Variants in IFFO2 observed in about 807,000 individuals in gnomAD.
IFFO2 encodes intermediate filament family orphan 2.
A neutral mutation model predicts 53.5 loss-of-function variants in IFFO2; 19 were observed. The observed-to-expected ratio is 0.36, with a 90% CI of 0.25 to 0.52. The LOEUF is 0.52. Ranked by LOEUF, IFFO2 falls within the 20% of genes least tolerant of loss-of-function variation. The probability of loss-of-function intolerance (pLI) is 0.94; values close to 1 mark genes in which losing one functional copy is unlikely to be tolerated. For synonymous variants in IFFO2, 303 were observed against 313.6 expected, an observed-to-expected ratio of 0.97 and a Z score of 0.36; for missense variants, 570 against 727.4, an observed-to-expected ratio of 0.78 and a Z score of 2.49.
intron 1 of IFFO2, among the ~76,000 whole-genome samples, chr1:18,940,746 G>A (rs1393826127): frequency 6.6e-6 from 1 of 152,198 alleles, no homozygotes; most frequent in East Asian, 1.9e-4. Flanking sequence ...TCACTTGCCA[G>A]TGATACAGAC....
At position 18,955,456 on chromosome 1, in the gene IFFO2, G is replaced by A. The variant is rs1260021724; in HGVS notation, c.665+212C>T. ...AATGTGCCTCACCAGTGACAGCATC[G>A]AGGTGGCCCCCACGGTAGCCAGCGC... On this transcript the variant is annotated intron_variant, in intron 1 of 8. Transcript: ENST00000455833. 2.6e-5 allele frequency among the ~76,000 whole-genome samples: 4 copies of A among 152,176 alleles called. No individual in the cohort carries two copies. The East Asian group carries it at 7.7e-4, about 29-fold the overall frequency.
intron 5 of IFFO2, 67 bp from the exon 6 acceptor site, chr1:18,912,150 A>G: frequency 6.5e-7 from 1 of 1,538,490 alleles, no homozygotes; most frequent in East Asian, 2.5e-5. Flanking sequence ...TACAGGGGAC[A>G]GAAAGGGGCA....
chr1:18,937,202 A>T (rs1408698186), intron 1 of IFFO2, among the ~76,000 whole-genome samples: 3 of 152,190 alleles, frequency 2.0e-5, no homozygotes, highest in Non-Finnish European at 4.4e-5. Flanking sequence ...GGACCCAGCT[A>T]ACAAAAGACA....
At chr1:18,922,865 C>T (rs2148170166) in intron 1 of IFFO2, among the ~76,000 whole-genome samples, 1 of 152,108 alleles carries the variant, frequency 6.6e-6, no homozygotes, top group African/African-American at 2.4e-5. Context: ...GGAGTCCGGT[C>T]CCAGGCCACC....
intron 1 of IFFO2, among the ~76,000 whole-genome samples, chr1:18,926,057 G>GATGGA (rs1936289795): frequency 6.4e-5 from 6 of 93,884 alleles, no homozygotes; most frequent in South Asian, 3.6e-4. Context: ...GGATGGATTG[G>GATGGA]TTGGATGGAT....
At chr1:18,949,307 A>G (rs979293001) in intron 1 of IFFO2, among the ~76,000 whole-genome samples, 4 of 152,232 alleles carry the variant, frequency 2.6e-5, no homozygotes, top group Non-Finnish European at 5.9e-5. Flanking sequence ...GCCGGCCCCC[A>G]CAGAGCTTCC....
intron 1 of IFFO2, among the ~76,000 whole-genome samples, chr1:18,924,554 C>A (rs1936256194): frequency 6.6e-6 from 1 of 152,178 alleles, no homozygotes; most frequent in Admixed American, 6.5e-5. Context: ...CCTGCACCAT[C>A]CCCTCTCCCA....
intron 1 of IFFO2, among the ~76,000 whole-genome samples, chr1:18,949,488 G>A (rs546850484): frequency 7.2e-5 from 11 of 152,338 alleles, no homozygotes; most frequent in South Asian, 2.1e-4. Flanking sequence ...TTCCCGTCCC[G>A]GGCCTTCAGC....
chr1:18,910,996 C>T (rs538556856), intron 7 of IFFO2, among the ~76,000 whole-genome samples: 1 of 152,250 alleles, frequency 6.6e-6, no homozygotes, highest in Non-Finnish European at 1.5e-5. Context: ...GTCACTTGGT[C>T]CTTTCCAGCC....
chr1:18,911,495 C>T lies in IFFO2; in HGVS notation c.1225-19G>A, dbSNP rs762534700. 6.7e-5 allele frequency: 75 copies of T among 1,127,184 alleles called. No individual in the cohort carries two copies. The East Asian group carries it at 6.9e-4, about 10-fold the overall frequency. The allele number at this position is 1,127,184 out of a possible 1,614,324, so 69.8% of individuals were successfully genotyped here. A position where few individuals can be genotyped will look rare whatever the true frequency, so the allele number is the denominator to read the frequency against. On this transcript the variant is annotated intron_variant, in intron 6 of 8. Transcript: ENST00000455833. ...CCTCTTGCTGGGGAAATAGAACAAA[C>T]GGGACAGTTTATTTTATTTATTTAT...
At chr1:18,938,900 C>T (rs1286607379) in intron 1 of IFFO2, among the ~76,000 whole-genome samples, 1 of 152,230 alleles carries the variant, frequency 6.6e-6, no homozygotes, top group Non-Finnish European at 1.5e-5. Flanking sequence ...TGGTATCTGT[C>T]AGGCCAGATG....
At chr1:18,948,288 C>A (rs1936615486) in intron 1 of IFFO2, among the ~76,000 whole-genome samples, 1 of 152,242 alleles carries the variant, frequency 6.6e-6, no homozygotes, top group Non-Finnish European at 1.5e-5. Context: ...TACAGAGCGA[C>A]AAACTGAGGT....
chr1:18,922,508 G>C (rs748890228), intron 1 of IFFO2, among the ~76,000 whole-genome samples: 3 of 152,200 alleles, frequency 2.0e-5, no homozygotes, highest in African/African-American at 4.8e-5. Flanking sequence ...TGCACACACA[G>C]AGGAAAATTC....
At chr1:18,920,394 T>C (rs147168227) in intron 2 of IFFO2, among the ~76,000 whole-genome samples, 13 of 152,362 alleles carry the variant, frequency 8.5e-5, no homozygotes, top group African/African-American at 3.1e-4. Context: ...AGACGACAAA[T>C]GCTTTCAGTA....
At chr1:18,909,595 T>G (rs2100638664) in intron 8 of IFFO2, among the ~76,000 whole-genome samples, 1 of 152,248 alleles carries the variant, frequency 6.6e-6, no homozygotes. Flanking sequence ...TCTCACGAGA[T>G]CTGATGGTTT....
At chr1:18,950,209 C>T (rs1053405171) in intron 1 of IFFO2, among the ~76,000 whole-genome samples, 2 of 152,208 alleles carry the variant, frequency 1.3e-5, no homozygotes, top group Non-Finnish European at 1.5e-5. Context: ...AAGAAGCAGC[C>T]GTTCTCCCTC....
At chr1:18,922,997 C>G (rs543009656) in intron 1 of IFFO2, among the ~76,000 whole-genome samples, 3 of 152,236 alleles carry the variant, frequency 2.0e-5, no homozygotes, top group African/African-American at 7.2e-5. Flanking sequence ...GGGGTAAAGG[C>G]TGGAGCACAG....
At chr1:18,927,320 A>G (rs1228824905) in intron 1 of IFFO2, among the ~76,000 whole-genome samples, 1 of 152,128 alleles carries the variant, frequency 6.6e-6, no homozygotes, top group African/African-American at 2.4e-5. Flanking sequence ...GTGAAGGGAA[A>G]TGAGCTCAGG....
intron 1 of IFFO2, among the ~76,000 whole-genome samples, chr1:18,954,174 G>A (rs1438419448): frequency 6.6e-6 from 1 of 152,202 alleles, no homozygotes; most frequent in Non-Finnish European, 1.5e-5. Flanking sequence ...AGGAAGCTAG[G>A]CGCCACATGA....
Sources: allele counts gnomAD v4.1 joint callset (sites outside exome capture counted in the v4.1 genomes callset), GRCh38; gene constraint gnomAD v4.1.1; transcripts MANE v1.5; gene names NCBI Gene and HGNC (gene_info 2026-07-23, HGNC 2026-07-21).